MTUS2: variants seen among roughly 807,000 people sequenced by gnomAD.
MTUS2 encodes microtubule associated scaffold protein 2, also known as microtubule-associated tumor suppressor candidate 2.
In MTUS2, 40 loss-of-function variants were observed where a neutral mutation model predicts 114.1. That is an observed-to-expected ratio of 0.35 (90% CI 0.27 to 0.46). The LOEUF (loss-of-function observed/expected upper bound fraction) is 0.46. Ranked by LOEUF, MTUS2 falls within the 20% of genes least tolerant of loss-of-function variation. The pLI is 1.00. For missense variants in MTUS2, 1,679 were observed against 1,705.4 expected, an observed-to-expected ratio of 0.98 and a Z score of 0.27; for synonymous variants, 688 against 672.0, an observed-to-expected ratio of 1.02 and a Z score of -0.37.
intron 9 of MTUS2, among the ~76,000 whole-genome samples, chr13:29,458,851 T>C (rs1251218474): frequency 6.6e-6 from 1 of 152,226 alleles, no homozygotes; most frequent in Non-Finnish European, 1.5e-5. Context: ...AAATAAATGA[T>C]ATAGAGGGAT....
At chr13:29,085,089 CCCTT>C (rs1889630524) in intron 4 of MTUS2, among the ~76,000 whole-genome samples, 1 of 152,080 alleles carries the variant, frequency 6.6e-6, no homozygotes, top group Admixed American at 6.5e-5. Flanking sequence ...TGGGACCTCT[CCCTT>C]CTTTCTCTCT....
intron 7 of MTUS2, among the ~76,000 whole-genome samples, chr13:29,351,806 T>A (rs1196194331): frequency 1.3e-5 from 2 of 150,742 alleles, no homozygotes; most frequent in African/African-American, 4.9e-5. Flanking sequence ...GTAGAGATGA[T>A]GTCTCTCCGT....
At chr13:29,261,910 T>TAA (rs34745039) in intron 5 of MTUS2, among the ~76,000 whole-genome samples, 1 of 152,126 alleles carries the variant, frequency 6.6e-6, no homozygotes, top group Admixed American at 6.5e-5. Flanking sequence ...AGAGGAATGG[T>TAA]AAAAAGTTGC....
At chr13:29,301,411 G>A (rs1899199511) in intron 6 of MTUS2, among the ~76,000 whole-genome samples, 1 of 152,166 alleles carries the variant, frequency 6.6e-6, no homozygotes, top group Non-Finnish European at 1.5e-5. Flanking sequence ...ATGGCAAGTT[G>A]TAGACTCTTT....
At chr13:29,458,923 C>T (rs532471321) in intron 9 of MTUS2, among the ~76,000 whole-genome samples, 5 of 152,248 alleles carry the variant, frequency 3.3e-5, no homozygotes, top group African/African-American at 7.2e-5. Context: ...CTTCTCTGCT[C>T]CACAACGGCA....
chr13:29,406,107 CAT>C (rs1874732560), intron 8 of MTUS2, among the ~76,000 whole-genome samples: 1 of 152,148 alleles, frequency 6.6e-6, no homozygotes, highest in South Asian at 2.1e-4. Flanking sequence ...TTTAAAATAA[CAT>C]ATTTCAGATA....
At chr13:29,392,120 T>C (rs1264547727) in intron 8 of MTUS2, among the ~76,000 whole-genome samples, 2 of 112,786 alleles carry the variant, frequency 1.8e-5, no homozygotes, top group Non-Finnish European at 3.6e-5. Flanking sequence ...AGAGCAAGAC[T>C]CTGTCTCAAA....
At chr13:29,452,704 A>C (rs1400824941) in intron 9 of MTUS2, among the ~76,000 whole-genome samples, 1 of 151,934 alleles carries the variant, frequency 6.6e-6, no homozygotes, top group East Asian at 1.9e-4. Context: ...TCAGCCTCCC[A>C]AAGTGCTGGG....
intron 12 of MTUS2, 127 bp from the exon 13 acceptor site, chr13:29,497,111 C>A: frequency 1.3e-6 from 1 of 783,944 alleles, no homozygotes; most frequent in Non-Finnish European, 2.1e-6. Context: ...CCTCTTTCTT[C>A]AGCCCCAAGG....
At chr13:29,219,104 C>T (rs1205674008) in intron 5 of MTUS2, among the ~76,000 whole-genome samples, 3 of 142,678 alleles carry the variant, frequency 2.1e-5, no homozygotes, top group East Asian at 2.1e-4. Context: ...GTATATCTCC[C>T]AATGCTATCC....
At chr13:29,286,665 T>TCTGC (rs1378525604) in intron 6 of MTUS2, among the ~76,000 whole-genome samples, 29 of 148,178 alleles carry the variant, frequency 2.0e-4, no homozygotes, top group Non-Finnish European at 3.3e-4. Context: ...TGTCTGTCTG[T>TCTGC]CTGTCTGTCT....
intron 5 of MTUS2, among the ~76,000 whole-genome samples, chr13:29,128,155 T>C (rs1025767095): frequency 1.3e-5 from 2 of 152,152 alleles, no homozygotes; most frequent in African/African-American, 2.4e-5. Context: ...AGAATAGCCA[T>C]GTGAATTTGT....
At chr13:29,119,916 A>G (rs968784825) in intron 5 of MTUS2, among the ~76,000 whole-genome samples, 3 of 152,230 alleles carry the variant, frequency 2.0e-5, no homozygotes, top group African/African-American at 4.8e-5. Flanking sequence ...TCACAAGAAT[A>G]TGTAAAGAAC....
At chr13:29,323,542 G>C (rs113601065) in intron 6 of MTUS2, among the ~76,000 whole-genome samples, 1 of 152,124 alleles carries the variant, frequency 6.6e-6, no homozygotes, top group African/African-American at 2.4e-5. Flanking sequence ...GAGCCACCAC[G>C]CCCAGCCTGA....
intron 6 of MTUS2, among the ~76,000 whole-genome samples, chr13:29,296,872 A>G (rs1311694814): frequency 6.6e-6 from 1 of 151,682 alleles, no homozygotes; most frequent in Non-Finnish European, 1.5e-5. Context: ...ATCATTTGCA[A>G]TTTTTTTCTC....
At chr13:29,050,086 T>C (rs1887819904) in intron 4 of MTUS2, among the ~76,000 whole-genome samples, 1 of 151,696 alleles carries the variant, frequency 6.6e-6, no homozygotes, top group Non-Finnish European at 1.5e-5. Flanking sequence ...AGGGTCAGAG[T>C]CTCCACCTCC....
intron 5 of MTUS2, among the ~76,000 whole-genome samples, chr13:29,170,157 A>AAGTGTGAGAGGATCT (rs2139115665): frequency 6.6e-6 from 1 of 152,360 alleles, no homozygotes; most frequent in East Asian, 1.9e-4. Flanking sequence ...TGAGAGGATC[A>AAGTGTGAGAGGATCT]ACTGATTTAG....
intron 5 of MTUS2, among the ~76,000 whole-genome samples, chr13:29,160,851 A>G (rs949091471): frequency 2.0e-5 from 3 of 152,240 alleles, no homozygotes; most frequent in Non-Finnish European, 4.4e-5. Context: ...TCAAGGGTCA[A>G]CTGTACTGAT....
chr13:29,274,559 T>G (rs1004758391), intron 5 of MTUS2, among the ~76,000 whole-genome samples: 15 of 152,218 alleles, frequency 9.9e-5, no homozygotes, highest in African/African-American at 3.6e-4. Context: ...ATAGCTATTC[T>G]GCTGGGTTTG....
Sources: gnomAD v4.1 joint callset for allele counts (sites outside exome capture counted in the v4.1 genomes callset) on GRCh38, gnomAD v4.1.1 for gene constraint, MANE v1.5 for transcripts, NCBI Gene and HGNC (gene_info 2026-07-23, HGNC 2026-07-21) for gene names.